ZNF695: variants seen among roughly 807,000 people sequenced by gnomAD.
ZNF695 encodes zinc finger protein 695, also known as zinc finger protein SBZF3.
ZNF695 carries 11 observed loss-of-function variants against 11.2 expected under a neutral mutation model. The observed-to-expected ratio is 0.98, with a 90% CI of 0.62 to 1.62. The LOEUF is 1.62. Among genes scored for constraint, ZNF695 ranks in the 40% most tolerant of loss-of-function variants. The probability of loss-of-function intolerance (pLI) is 0.00; values close to 1 mark genes in which losing one functional copy is unlikely to be tolerated. For missense variants in ZNF695, 559 were observed against 590.5 expected (o/e 0.95, Z 0.55); for synonymous variants, 190 against 201.4 (o/e 0.94, Z 0.48).
At chr1:247,006,886 T>C (rs537654386) in intron 1 of ZNF695, among the ~76,000 whole-genome samples, 4 of 152,352 alleles carry the variant, frequency 2.6e-5, no homozygotes, top group Non-Finnish European at 5.9e-5. Context: ...CCTGGGATTC[T>C]ATCTAAGGAA....
At chr1:246,967,705 G>A (rs1668323744) in exon 5 of ZNF695, 1 of 395,240 alleles carries the variant, frequency 2.5e-6, no homozygotes, top group South Asian at 1.9e-5. Context: ...GGTTCTGTGG[G>A]CTTTACATGC....
rs892544025 is a variant in ZNF695 at position 246,987,032 on chromosome 1, C to T, written c.1483G>A (p.Glu495Lys). ...IHTREKPYKC[E>K]ECGKAFNHSA... The stretch of plus-strand genomic sequence containing the variant: ...TGGTTAAAGGCTTTGCCACATTCCT[C>T]ACACTTGTATGGTTTCTCTCTGGTA... The change falls in exon 4 of 4, where the codon GAG becomes AAG. Residue 495 changes from glutamate (E) to lysine (K), a missense_variant. Transcript: ENST00000339986. The T allele has an allele frequency of 9.3e-6, 15 of 1,612,456 alleles. No homozygotes were observed. The highest frequency in any genetic ancestry group is 1.3e-5 in the Non-Finnish European group (15 of 1,179,460).
At chr1:246,977,018 G>C (rs1668585416) in intron 4 of ZNF695, among the ~76,000 whole-genome samples, 1 of 152,170 alleles carries the variant, frequency 6.6e-6, no homozygotes, top group African/African-American at 2.4e-5. Context: ...TACTTACAAA[G>C]TCAACCTCAG....
intron 5 of ZNF695, among the ~76,000 whole-genome samples, chr1:246,967,087 C>A (rs769678818): frequency 6.6e-6 from 1 of 151,992 alleles, no homozygotes; most frequent in African/African-American, 2.4e-5. Flanking sequence ...TACAGGCATG[C>A]GCCACCATGC....
intron 5 of ZNF695, chr1:246,966,885 G>A (rs749509496): frequency 1.8e-5 from 8 of 456,004 alleles, no homozygotes; most frequent in Non-Finnish European, 3.1e-5. Flanking sequence ...GTTATTGGAG[G>A]GTTTGAACAG....
At position 246,985,420 on chromosome 1, in the gene ZNF695, A is replaced by C; in HGVS notation, c.*1547T>G. The C allele has an allele frequency of 2.0e-6, 2 of 985,406 alleles. No individual in the cohort carries two copies. Among genetic ancestry groups the C allele is most frequent in the Non-Finnish European group, 2.4e-6 (2 of 829,930 alleles). 61.0% of individuals were successfully genotyped at this position (985,406 alleles called of 1,614,324 possible). Reference sequence around the variant, plus strand: ...AATGAAGGTGTAACGTGTGGGAACAATATTTTTCAAATTATTTGAAGTTTA... The same window carrying C: ...AATGAAGGTGTAACGTGTGGGAACACTATTTTTCAAATTATTTGAAGTTTA... On this transcript the variant is annotated 3_prime_UTR_variant, in exon 4 of 4. Transcript: ENST00000339986.
chr1:247,003,439 G>A (rs1339333706), intron 1 of ZNF695, among the ~76,000 whole-genome samples: 1 of 152,138 alleles, frequency 6.6e-6, no homozygotes. Context: ...AGACACTAGG[G>A]CCGACTTTAG....
intron 1 of ZNF695, among the ~76,000 whole-genome samples, chr1:247,003,681 A>C (rs1669454912): frequency 1.3e-5 from 2 of 152,214 alleles, no homozygotes; most frequent in Admixed American, 6.5e-5. Context: ...TGGTAAACTA[A>C]ATTCAGTGAT....
downstream of ZNF695, among the ~76,000 whole-genome samples, chr1:246,984,152 C>CAAA (rs11321674): frequency 0.011 from 1,001 of 91,338 alleles, 28 homozygotes; most frequent in Middle Eastern, 0.029. Flanking sequence ...ACCATGTCTC[C>CAAA]AAAAAAAAAA....
rs1262341151 is a variant in ZNF695 at position 247,007,888 on chromosome 1, C to G, written c.3+18G>C. 1 of 1,548,948 alleles carries G rather than the reference C, an allele frequency of 6.5e-7. No homozygotes were observed. Among genetic ancestry groups the G allele is most frequent in the East Asian group, 2.5e-5 (1 of 40,116 alleles). On this transcript the variant is annotated intron_variant, in intron 1 of 3. Transcript: ENST00000339986. Reference sequence around the variant, plus strand: ...CACCCCCTCTCCCTTCTCGGGACACCCTGCTCCGCACACTCACCATTTCCC... The same window carrying G: ...CACCCCCTCTCCCTTCTCGGGACACGCTGCTCCGCACACTCACCATTTCCC...
At chr1:246,962,861 T>C (rs143819858) in intron 5 of ZNF695, among the ~76,000 whole-genome samples, 1 of 151,786 alleles carries the variant, frequency 6.6e-6, no homozygotes, top group African/African-American at 2.4e-5. Context: ...CCCGGCTAAT[T>C]TTTTTTTGTA....
At chr1:246,965,604 G>A (rs1469902210) in intron 5 of ZNF695, among the ~76,000 whole-genome samples, 2 of 152,030 alleles carry the variant, frequency 1.3e-5, no homozygotes, top group African/African-American at 2.4e-5. Context: ...AGGTGTGGTC[G>A]TGTGTGCCTG....
downstream of ZNF695, among the ~76,000 whole-genome samples, chr1:246,983,980 C>A (rs1668776007): frequency 6.6e-6 from 1 of 151,378 alleles, no homozygotes; most frequent in African/African-American, 2.4e-5. Context: ...CATGGTAAAA[C>A]CTCATCTCTA....
At chr1:247,004,664 A>C (rs1318890890) in intron 1 of ZNF695, among the ~76,000 whole-genome samples, 3 of 152,212 alleles carry the variant, frequency 2.0e-5, no homozygotes, top group Non-Finnish European at 4.4e-5. Context: ...AAATGATATG[A>C]TCTTCCACTT....
At chr1:246,982,824 G>A (rs944600688), downstream of ZNF695, among the ~76,000 whole-genome samples, 30 of 151,718 alleles carry the variant, frequency 2.0e-4, no homozygotes, top group East Asian at 2.3e-3. Flanking sequence ...AATTTTCTCC[G>A]TACAACTCTT....
At chr1:246,989,531 C>T (rs1668963217) in intron 3 of ZNF695, among the ~76,000 whole-genome samples, 1 of 148,238 alleles carries the variant, frequency 6.7e-6, no homozygotes, top group Non-Finnish European at 1.5e-5. Context: ...GAGAAAATCA[C>T]CTTCACTAAA....
intron 4 of ZNF695, among the ~76,000 whole-genome samples, chr1:246,979,364 G>A (rs1297204725): frequency 6.6e-6 from 1 of 152,066 alleles, no homozygotes; most frequent in African/African-American, 2.4e-5. Flanking sequence ...TACAGCCCTC[G>A]TTTCTCCTGA....
At chr1:246,977,019 T>A (rs910172521) in intron 4 of ZNF695, among the ~76,000 whole-genome samples, 10 of 152,186 alleles carry the variant, frequency 6.6e-5, no homozygotes, top group Non-Finnish European at 1.5e-4. Flanking sequence ...ACTTACAAAG[T>A]CAACCTCAGA....
At position 246,986,823 on chromosome 1, in the gene ZNF695, T is replaced by G. The variant is rs1668863495; in HGVS notation, c.*144A>C. 1 of 1,411,072 alleles carries G rather than the reference T, an allele frequency of 7.1e-7. No individual in the cohort carries two copies. Among genetic ancestry groups the G allele is most frequent in the African/African-American group, 1.4e-5 (1 of 69,402 alleles). 87.4% of individuals were successfully genotyped at this position (1,411,072 alleles called of 1,614,324 possible). ...ATTGTTCGTAGCCTAAACATTTTAG[T>G]GCACTCAAAGGCTCATAGACTGTAA... On this transcript the variant is annotated 3_prime_UTR_variant, in exon 4 of 4. Transcript: ENST00000339986.
Sources: gnomAD v4.1 joint callset for allele counts (sites outside exome capture counted in the v4.1 genomes callset) on GRCh38, gnomAD v4.1.1 for gene constraint, MANE v1.5 for transcripts, NCBI Gene and HGNC (gene_info 2026-07-23, HGNC 2026-07-21) for gene names.